RANBP17: variants seen among roughly 807,000 people sequenced by gnomAD.
The protein encoded by RANBP17 is ran-binding protein 17.
RANBP17 carries 158 observed loss-of-function variants against 141.2 expected under a neutral mutation model. The ratio of observed to expected loss-of-function variants is 1.12; its 90% confidence interval spans 0.98 to 1.28. RANBP17 has a LOEUF of 1.28. Ranked by LOEUF, RANBP17 falls within the 50% of genes most tolerant of loss-of-function variation. The pLI, the probability that RANBP17 is intolerant of heterozygous loss-of-function variation, is 0.00. For missense variants in RANBP17, 1,438 were observed against 1,290.7 expected (o/e 1.11, Z -1.75); for synonymous variants, 430 against 450.0 (o/e 0.96, Z 0.56).
At chr5:171,038,344 CT>C (rs56994669) in intron 14 of RANBP17, among the ~76,000 whole-genome samples, 93,148 of 151,858 alleles carry the variant, frequency 0.61, 29,868 homozygotes, top group South Asian at 0.88. Context: ...TTCTAGGAGC[CT>C]TTTGACAGAC....
intron 14 of RANBP17, among the ~76,000 whole-genome samples, chr5:171,101,521 C>T (rs1448890527): frequency 2.6e-5 from 4 of 152,182 alleles, no homozygotes; most frequent in African/African-American, 2.4e-5. Flanking sequence ...CTCCTGAATA[C>T]AGCACACTGA....
intron 18 of RANBP17, 71 bp from the exon 19 acceptor site, chr5:171,199,599 C>G: frequency 1.2e-6 from 1 of 843,264 alleles, no homozygotes; most frequent in Admixed American, 2.5e-5. Flanking sequence ...CTAAATGAAG[C>G]ACTCAATGCT....
chr5:171,121,223 G>A (rs1206632937), intron 14 of RANBP17, among the ~76,000 whole-genome samples: 1 of 152,236 alleles, frequency 6.6e-6, no homozygotes, highest in Non-Finnish European at 1.5e-5. Flanking sequence ...TCCTGGGGGT[G>A]TGCTTGCCAG....
chr5:171,010,461 A>T (rs1232599977), intron 14 of RANBP17, among the ~76,000 whole-genome samples: 5 of 152,136 alleles, frequency 3.3e-5, no homozygotes, highest in Non-Finnish European at 5.9e-5. Flanking sequence ...AAAATTCATT[A>T]TTTTCTGGAG....
chr5:171,260,653 G>A (rs945427758), intron 24 of RANBP17, among the ~76,000 whole-genome samples: 4 of 152,050 alleles, frequency 2.6e-5, no homozygotes, highest in Non-Finnish European at 5.9e-5. Context: ...GAAACCCTAA[G>A]TATCATATAT....
chr5:171,073,775 G>A (rs1336290219), intron 14 of RANBP17, among the ~76,000 whole-genome samples: 1 of 151,844 alleles, frequency 6.6e-6, no homozygotes, highest in African/African-American at 2.4e-5. Context: ...TGCTGCATCT[G>A]GGACAGGTAA....
intron 14 of RANBP17, among the ~76,000 whole-genome samples, chr5:171,019,376 C>A (rs1780684559): frequency 6.6e-6 from 1 of 152,102 alleles, no homozygotes; most frequent in African/African-American, 2.4e-5. Flanking sequence ...AACTGTGAAT[C>A]CGTCTGGTTC....
intron 14 of RANBP17, among the ~76,000 whole-genome samples, chr5:171,007,392 A>T (rs956143799): frequency 6.6e-6 from 1 of 152,092 alleles, no homozygotes; most frequent in East Asian, 1.9e-4. Context: ...GTTATAGGGT[A>T]GGGGAGCAGA....
intron 14 of RANBP17, among the ~76,000 whole-genome samples, chr5:171,075,824 A>G (rs534575160): frequency 6.6e-6 from 1 of 152,190 alleles, no homozygotes; most frequent in East Asian, 1.9e-4. Context: ...ATGGTGACAC[A>G]CACCTGTAAT....
intron 14 of RANBP17, among the ~76,000 whole-genome samples, chr5:171,118,779 C>T (rs1755819159): frequency 6.6e-6 from 1 of 152,084 alleles, no homozygotes; most frequent in African/African-American, 2.4e-5. Context: ...AGGGTGTATC[C>T]TGCAACTTTA....
At chr5:171,296,090 G>A in intron 27 of RANBP17, 76 bp downstream of exon 27, 1 of 1,460,080 alleles carries the variant, frequency 6.8e-7, no homozygotes, top group Non-Finnish European at 9.4e-7. Context: ...TCTCGTGCTT[G>A]ACACAGCTCA....
At chr5:171,222,890 A>G (rs1325661010) in intron 22 of RANBP17, among the ~76,000 whole-genome samples, 2 of 152,136 alleles carry the variant, frequency 1.3e-5, no homozygotes, top group East Asian at 3.9e-4. Flanking sequence ...CAGCCTCCCA[A>G]AGTAATGGGA....
At chr5:171,276,390 T>G (rs1767486284) in intron 25 of RANBP17, among the ~76,000 whole-genome samples, 2 of 152,202 alleles carry the variant, frequency 1.3e-5, no homozygotes, top group Admixed American at 1.3e-4. Context: ...AATTATAATG[T>G]TTTACAAGGA....
chr5:171,213,489 T>A, intron 20 of RANBP17, 142 bp from the exon 21 acceptor site: 1 of 590,778 alleles, frequency 1.7e-6, no homozygotes, highest in South Asian at 2.5e-5. Context: ...AAAATGCCAT[T>A]GTATAGTATA....
chr5:171,214,084 A>G (rs1002628425), intron 21 of RANBP17, among the ~76,000 whole-genome samples: 1 of 152,216 alleles, frequency 6.6e-6, no homozygotes, highest in Admixed American at 6.5e-5. Flanking sequence ...TAAAGCAGGA[A>G]AGAAGTTTAG....
intron 14 of RANBP17, among the ~76,000 whole-genome samples, chr5:171,108,934 A>T (rs923785884): frequency 1.3e-5 from 2 of 152,172 alleles, no homozygotes; most frequent in African/African-American, 4.8e-5. Flanking sequence ...ACAATATACC[A>T]ATGGACAGAA....
intron 14 of RANBP17, among the ~76,000 whole-genome samples, chr5:171,112,111 T>G (rs1755275751): frequency 6.6e-6 from 1 of 152,176 alleles, no homozygotes; most frequent in South Asian, 2.1e-4. Context: ...TAATAACTTG[T>G]TTTTTTATTT....
At chr5:171,253,608 G>T (rs1191315146) in intron 24 of RANBP17, among the ~76,000 whole-genome samples, 1 of 152,144 alleles carries the variant, frequency 6.6e-6, no homozygotes, top group Non-Finnish European at 1.5e-5. Context: ...GTTTCCCCAA[G>T]GGGAAAGACT....
At chr5:171,274,771 T>G (rs964738945) in intron 25 of RANBP17, among the ~76,000 whole-genome samples, 7 of 152,304 alleles carry the variant, frequency 4.6e-5, no homozygotes, top group African/African-American at 1.4e-4. Flanking sequence ...CTGCAGGCAA[T>G]GATTTTAAGT....
Sources: allele counts gnomAD v4.1 joint callset (sites outside exome capture counted in the v4.1 genomes callset), GRCh38; gene constraint gnomAD v4.1.1; transcripts MANE v1.5; gene names NCBI Gene and HGNC (gene_info 2026-07-23, HGNC 2026-07-21).